Variants in PPP2R3A observed in about 807,000 individuals in gnomAD.
PPP2R3A encodes the protein protein phosphatase 2 regulatory subunit B''alpha, also known as serine/threonine-protein phosphatase 2A regulatory subunit B'' subunit alpha.
PPP2R3A carries 80 observed loss-of-function variants against 106.9 expected under a neutral mutation model. That is an observed-to-expected ratio of 0.75 (90% CI 0.62 to 0.90). The LOEUF (loss-of-function observed/expected upper bound fraction) is 0.90, where lower values mean the gene tolerates loss of function less well. Among genes scored for constraint, PPP2R3A ranks in the 40% least tolerant of loss-of-function variants. The probability of loss-of-function intolerance (pLI) is 0.00; values close to 1 mark genes in which losing one functional copy is unlikely to be tolerated. For synonymous variants in PPP2R3A, 483 were observed against 468.3 expected, an observed-to-expected ratio of 1.03 and a Z score of -0.41; for missense variants, 1,386 against 1,350.4, an observed-to-expected ratio of 1.03 and a Z score of -0.41.
At chr3:136,070,605 T>C (rs1936401159) in intron 6 of PPP2R3A, 53 bp downstream of exon 6, 1 of 1,419,376 alleles carries the variant, frequency 7.0e-7, no homozygotes, top group Non-Finnish European at 9.6e-7. Context: ...ACCTTTTTAT[T>C]ACCATCTGCT....
chr3:136,062,608 C>T (rs965486222), intron 5 of PPP2R3A, among the ~76,000 whole-genome samples: 1 of 151,752 alleles, frequency 6.6e-6, no homozygotes, highest in East Asian at 1.9e-4. Context: ...GTCCCAGCTA[C>T]TCAGGAGGCT....
At chr3:135,999,426 TAGATTCCATGTCTA>T (rs1559859589) in intron 1 of PPP2R3A, among the ~76,000 whole-genome samples, 2 of 152,158 alleles carry the variant, frequency 1.3e-5, no homozygotes, top group Admixed American at 6.5e-5. Flanking sequence ...AATAGTGGAT[TAGATTCCATGTCTA>T]AGATTCCATC....
intron 6 of PPP2R3A, among the ~76,000 whole-genome samples, chr3:136,071,835 A>T (rs1936437506): frequency 6.6e-6 from 1 of 152,044 alleles, no homozygotes; most frequent in Non-Finnish European, 1.5e-5. Context: ...TGAGCAAACC[A>T]AACCCACTTC....
At chr3:135,997,443 A>G (rs1933446700) in intron 1 of PPP2R3A, among the ~76,000 whole-genome samples, 1 of 152,174 alleles carries the variant, frequency 6.6e-6, no homozygotes, top group African/African-American at 2.4e-5. Context: ...CAACCCAGAA[A>G]TGTCATTGAT....
At chr3:135,995,273 G>A (rs1933339669) in intron 1 of PPP2R3A, among the ~76,000 whole-genome samples, 1 of 152,006 alleles carries the variant, frequency 6.6e-6, no homozygotes, top group Admixed American at 6.6e-5. Context: ...GTATAAAGCA[G>A]ACTATAACAG....
chr3:136,073,032 G>T (rs1406487595), intron 6 of PPP2R3A, among the ~76,000 whole-genome samples: 2 of 152,030 alleles, frequency 1.3e-5, no homozygotes, highest in African/African-American at 4.8e-5. Context: ...CAGTGGCACG[G>T]TCTCGGCTCA....
intron 13 of PPP2R3A, among the ~76,000 whole-genome samples, chr3:136,123,221 G>A (rs1019355181): frequency 6.6e-6 from 1 of 152,270 alleles, no homozygotes; most frequent in South Asian, 2.1e-4. Context: ...GTACAGGAGA[G>A]ATGGACTATA....
At chr3:136,036,140 TTCC>T (rs1935077736) in intron 3 of PPP2R3A, among the ~76,000 whole-genome samples, 1 of 152,172 alleles carries the variant, frequency 6.6e-6, no homozygotes, top group Admixed American at 6.5e-5. Context: ...TTTTTTGGAT[TTCC>T]TTACATTGGG....
Position 136,049,877 on chromosome 3 carries a change from A to G in PPP2R3A, c.2469+516A>G, listed in dbSNP as rs1028707077. On this transcript the variant is annotated intron_variant, in intron 5 of 13. Coordinates refer to ENST00000264977, the MANE Select transcript of PPP2R3A (RefSeq NM_002718.5). The stretch of plus-strand genomic sequence containing the variant: ...GTTTCCTGATTCTTCAACCCAAGAT[A>G]TATTTGAAACAGAAAATTAGAATAG... 4.6e-5 allele frequency among the ~76,000 whole-genome samples: 7 copies of G among 152,216 alleles called. No individual in the cohort carries two copies. In the South Asian group the frequency reaches 8.3e-4, roughly 18 times the overall value.
chr3:136,048,674 A>G (rs76503235), intron 4 of PPP2R3A, among the ~76,000 whole-genome samples: 2 of 147,956 alleles, frequency 1.4e-5, no homozygotes, highest in African/African-American at 2.5e-5. Context: ...CTCCGTCTCA[A>G]AAAAAAAAAA....
chr3:136,086,628 C>T (rs887492440), intron 8 of PPP2R3A, among the ~76,000 whole-genome samples: 1 of 152,104 alleles, frequency 6.6e-6, no homozygotes, highest in Non-Finnish European at 1.5e-5. Context: ...AATATCCTTG[C>T]CTTTCCTATA....
At chr3:136,112,032 AAAAC>A in intron 13 of PPP2R3A, among the ~76,000 whole-genome samples, 1 of 152,222 alleles carries the variant, frequency 6.6e-6, no homozygotes, top group Non-Finnish European at 1.5e-5. Context: ...AATAGAACAA[AAAAC>A]AAAAACCACA....
intron 1 of PPP2R3A, among the ~76,000 whole-genome samples, chr3:135,976,499 A>G (rs1239736121): frequency 3.9e-5 from 6 of 152,200 alleles, no homozygotes; most frequent in African/African-American, 1.4e-4. Flanking sequence ...CTCATATTGC[A>G]TTTTTCTAGA....
intron 1 of PPP2R3A, among the ~76,000 whole-genome samples, chr3:135,977,688 C>CTTTTTTTTTTTTT (rs66592538): frequency 3.3e-5 from 2 of 61,126 alleles, no homozygotes; most frequent in African/African-American, 1.4e-4. Flanking sequence ...GATCAGCATT[C>CTTTTTTTTTTTTT]TTTTTTTTTT....
At chr3:136,037,644 A>G (rs1009165299) in intron 3 of PPP2R3A, among the ~76,000 whole-genome samples, 4 of 152,240 alleles carry the variant, frequency 2.6e-5, no homozygotes, top group African/African-American at 9.6e-5. Flanking sequence ...GCCCTCATCT[A>G]TGTGAGGATC....
At chr3:136,010,518 C>G (rs1934027891) in intron 2 of PPP2R3A, among the ~76,000 whole-genome samples, 1 of 148,388 alleles carries the variant, frequency 6.7e-6, no homozygotes, top group Non-Finnish European at 1.5e-5. Flanking sequence ...GCTCCGCCTC[C>G]CGGGTTCACA....
chr3:136,093,991 A>C (rs1379933216), intron 10 of PPP2R3A, among the ~76,000 whole-genome samples: 1 of 152,254 alleles, frequency 6.6e-6, no homozygotes, highest in Non-Finnish European at 1.5e-5. Context: ...AGCCCAAGAT[A>C]AACAAATGTG....
intron 1 of PPP2R3A, among the ~76,000 whole-genome samples, chr3:135,970,278 G>A (rs2107744495): frequency 6.6e-6 from 1 of 152,340 alleles, no homozygotes; most frequent in South Asian, 2.1e-4. Flanking sequence ...ACAGTGGAAT[G>A]ACGCCTTGCT....
intron 7 of PPP2R3A, chr3:136,079,165 G>T: frequency 2.2e-6 from 1 of 453,970 alleles, no homozygotes; most frequent in Non-Finnish European, 4.4e-6. Flanking sequence ...TGAAGACTTG[G>T]CAAAATTAGC....
Sources: gnomAD v4.1 joint callset for allele counts (sites outside exome capture counted in the v4.1 genomes callset) on GRCh38, gnomAD v4.1.1 for gene constraint, MANE v1.5 for transcripts, NCBI Gene and HGNC (gene_info 2026-07-23, HGNC 2026-07-21) for gene names.